Variants in LYSMD1 observed in about 807,000 individuals in gnomAD.
The protein encoded by LYSMD1 is LysM domain containing 1, also known as lysM and putative peptidoglycan-binding domain-containing protein 1.
Under a neutral mutation model 19.3 loss-of-function variants are expected in LYSMD1, and 9 were observed. That is an observed-to-expected ratio of 0.47 (90% CI 0.28 to 0.81). The LOEUF is 0.81. Ranked by LOEUF, LYSMD1 falls within the 40% of genes least tolerant of loss-of-function variation. LYSMD1 has a pLI of 0.11. For synonymous variants in LYSMD1, 111 were observed against 111.7 expected, an observed-to-expected ratio of 0.99 and a Z score of 0.04; for missense variants, 262 against 279.8, an observed-to-expected ratio of 0.94 and a Z score of 0.45.
chr1:151,161,354 G>A (rs1309299460), intron 2 of LYSMD1, among the ~76,000 whole-genome samples: 3 of 152,074 alleles, frequency 2.0e-5, no homozygotes, highest in Admixed American at 6.6e-5. Flanking sequence ...AATATTAGCC[G>A]GGCGTGGTGG....
chr1:151,163,061 T>C (rs1386584316), intron 1 of LYSMD1, among the ~76,000 whole-genome samples: 1 of 152,228 alleles, frequency 6.6e-6, no homozygotes, highest in African/African-American at 2.4e-5. Context: ...CTGCCACCTC[T>C]ACATTTTGCT....
rs981346060 is a variant in LYSMD1, at chr1:151,165,099, C to T, written c.160G>A (p.Ala54Thr). Residue 54 changes from alanine (A) to threonine (T), a missense_variant, in exon 1 of 3, where the codon GCA (alanine) becomes ACA (threonine). Physicochemically the swap from Ala to Thr is moderately conservative, Grantham distance 58 (BLOSUM62 0). Coordinates refer to ENST00000368908, the MANE Select transcript of LYSMD1 (RefSeq NM_212551.5). The part of the protein sequence containing the change: ...LEPGDTLAGL[A>T]LKYGVTMEQI... ...CTCACCGTCACCCCATATTTGAGTG[C>T]TAGTCCAGCCAGGGTGTCTCCGGGC... 1 of 1,614,008 alleles carries T rather than the reference C, an allele frequency of 6.2e-7. No homozygotes were observed. The highest frequency in any genetic ancestry group is 8.5e-7 in the Non-Finnish European group (1 of 1,179,980).
chr1:151,158,855 G>A (rs139852088), downstream of LYSMD1: 118 of 1,614,062 alleles, frequency 7.3e-5, 1 homozygote, highest in Middle Eastern at 4.9e-4. Context: ...ACGCACAGCC[G>A]GCCCCAGGCC....
the LYSMD1 span, among the ~76,000 whole-genome samples, chr1:151,149,706 G>A: frequency 1.3e-5 from 2 of 152,002 alleles, no homozygotes; most frequent in Non-Finnish European, 2.9e-5. Context: ...AGCCGAGATC[G>A]CACCACTGCA....
chr1:151,161,640 T>C, intron 2 of LYSMD1, 96 bp downstream of exon 2: 1 of 1,486,446 alleles, frequency 6.7e-7, no homozygotes, highest in South Asian at 1.3e-5. Flanking sequence ...TTGCCTCTGT[T>C]GGCACTGTCC....
rs1479905336 is a variant in LYSMD1 at position 151,160,844 on chromosome 1, T to C, written c.*38A>G. The C allele has an allele frequency of 6.3e-7, 1 of 1,593,288 alleles. No homozygotes were observed. The highest frequency in any genetic ancestry group is 8.6e-7 in the Non-Finnish European group (1 of 1,163,066). On this transcript the variant is annotated 3_prime_UTR_variant, in exon 3 of 3. Coordinates refer to ENST00000368908, the MANE Select transcript of LYSMD1 (RefSeq NM_212551.5). Reference sequence around the variant, plus strand: ...GGCTCCTCTCCCCCTGAAGTTTCTCTTTCAACATCTTGCTTCTCTCAGTCA... The same window carrying C: ...GGCTCCTCTCCCCCTGAAGTTTCTCCTTCAACATCTTGCTTCTCTCAGTCA...
chr1:151,155,961 A>G (rs1683207329), downstream of LYSMD1, among the ~76,000 whole-genome samples: 1 of 151,772 alleles, frequency 6.6e-6, no homozygotes, highest in Non-Finnish European at 1.5e-5. Flanking sequence ...TAAGCCAGGC[A>G]TGGTGGCACA....
chr1:151,148,924 T>C, the LYSMD1 span, among the ~76,000 whole-genome samples: 37 of 142,672 alleles, frequency 2.6e-4, no homozygotes, highest in Non-Finnish European at 4.1e-4. Context: ...TTTTAAATTC[T>C]TGAAAAAGGG....
rs1683469921 is a variant in LYSMD1 at position 151,161,856 on chromosome 1, C to T, written c.425G>A (p.Gly142Asp). The change falls in exon 2 of 3, where the codon GGC becomes GAC. Residue 142 changes from glycine (G) to aspartate (D), a missense_variant. Gly to Asp is a moderately conservative substitution (Grantham distance 94). Transcript: ENST00000368908. The part of the protein sequence containing the change: ...RANGEVLPTP[G>D]QETPTPIHDL... ...ATGGATGGGCGTGGGGGTTTCCTGG[C>T]CAGGTGTGGGGAGGACTTCACCATT... The T allele has an allele frequency of 6.2e-7, 1 of 1,613,728 alleles. No homozygotes were observed. Among genetic ancestry groups the T allele is most frequent in the African/African-American group, 1.3e-5 (1 of 74,852 alleles).
Position 151,161,872 on chromosome 1 carries a change from C to G in LYSMD1, c.409G>C (p.Val137Leu), listed in dbSNP as rs1043262450. 1.2e-6 allele frequency: 2 copies of G among 1,613,960 alleles called. No individual in the cohort carries two copies. The highest frequency in any genetic ancestry group is 2.7e-5 in the African/African-American group (2 of 74,896). Residue 137 changes from valine (V) to leucine (L), a missense_variant, in exon 2 of 3, where the codon GTC (valine) becomes CTC (leucine). Physicochemically the swap from Val to Leu is conservative, Grantham distance 32 (BLOSUM62 1). Coordinates refer to ENST00000368908, the MANE Select transcript of LYSMD1 (RefSeq NM_212551.5). ...ETGAGRANGE[V>L]LPTPGQETPT... ...GTTTCCTGGCCAGGTGTGGGGAGGA[C>G]TTCACCATTGGCACGTCCTGCTCCT...
downstream of LYSMD1, among the ~76,000 whole-genome samples, chr1:151,154,967 C>T (rs2101676502): frequency 6.6e-6 from 1 of 152,210 alleles, no homozygotes; most frequent in South Asian, 2.1e-4. Context: ...ACCACGTTGG[C>T]CAGGCTGGTC....
chr1:151,150,477 C>T, the LYSMD1 span, among the ~76,000 whole-genome samples: 1 of 152,210 alleles, frequency 6.6e-6, no homozygotes, highest in East Asian at 1.9e-4. Flanking sequence ...TTTTTGTCCC[C>T]ATCAGTCCAC....
At chr1:151,164,945 AC>A in intron 1 of LYSMD1, 133 bp downstream of exon 1, 2 of 732,846 alleles carry the variant, frequency 2.7e-6, no homozygotes, top group Non-Finnish European at 4.5e-6. Context: ...TGATGGGAAA[AC>A]AAAGATAAAG....
In LYSMD1 at chr1:151,165,322, A is replaced by T; in HGVS notation, c.-64T>A. 6.4e-7 allele frequency: 1 copy of T among 1,563,042 alleles called. No individual in the cohort carries two copies. The highest frequency in any genetic ancestry group is 8.7e-7 in the Non-Finnish European group (1 of 1,154,154). ...AGGTACGACCGAGACTGCGACTGAC[A>T]GGCCTGAAGTCTGGGAATGAATATT... On this transcript the variant is annotated 5_prime_UTR_variant, in exon 1 of 3. Transcript: ENST00000368908.
chr1:151,150,423 C>A, the LYSMD1 span, among the ~76,000 whole-genome samples: 1 of 152,220 alleles, frequency 6.6e-6, no homozygotes, highest in East Asian at 1.9e-4. Context: ...GTTACCTATA[C>A]TTGCTATATC....
chr1:151,165,049 T>C, intron 1 of LYSMD1, 30 bp downstream of exon 1: 1 of 1,599,588 alleles, frequency 6.3e-7, no homozygotes, highest in Non-Finnish European at 8.6e-7. Context: ...CTCCTGACTG[T>C]TGTCTTCACC....
chr1:151,154,295 C>T, the LYSMD1 span, among the ~76,000 whole-genome samples: 1 of 152,114 alleles, frequency 6.6e-6, no homozygotes, highest in East Asian at 1.9e-4. Flanking sequence ...GCCTGGCCAA[C>T]ATGGCGAAAC....
At chr1:151,150,773 C>T in the LYSMD1 span, among the ~76,000 whole-genome samples, 1 of 144,272 alleles carries the variant, frequency 6.9e-6, no homozygotes, top group South Asian at 2.2e-4. Flanking sequence ...CTCACTCTGT[C>T]GCCCCAGGCT....
Position 151,165,155 on chromosome 1 carries a change from A to G in LYSMD1, c.104T>C (p.Val35Ala), listed in dbSNP as rs761657419. 1 of 1,614,046 alleles carries G rather than the reference A, an allele frequency of 6.2e-7. No homozygotes were observed. Among genetic ancestry groups the G allele is most frequent in the South Asian group, 1.1e-5 (1 of 91,078 alleles). ...GSLVQSACSP[V>A]RERRLEHQLE... Reference sequence around the variant, plus strand: ...CTGATGCTCCAGGCGTCTTTCCCTCACTGGGGAGCAGGCCGATTGCACCAG... The same window carrying G: ...CTGATGCTCCAGGCGTCTTTCCCTCGCTGGGGAGCAGGCCGATTGCACCAG... Residue 35 changes from valine to alanine, a missense_variant, in exon 1 of 3, where the codon GTG becomes GCG. Physicochemically the swap from Val to Ala is moderately conservative, Grantham distance 64 (BLOSUM62 0). Coordinates refer to ENST00000368908, the MANE Select transcript of LYSMD1 (RefSeq NM_212551.5).
Sources: gnomAD v4.1 joint callset for allele counts (sites outside exome capture counted in the v4.1 genomes callset) on GRCh38, gnomAD v4.1.1 for gene constraint, MANE v1.5 for transcripts, NCBI Gene and HGNC (gene_info 2026-07-23, HGNC 2026-07-21) for gene names.